Variants in POU6F2 observed in about 807,000 individuals in gnomAD.
The protein encoded by POU6F2 is POU domain, class 6, transcription factor 2.
Under a neutral mutation model 71.3 loss-of-function variants are expected in POU6F2, and 31 were observed. The ratio of observed to expected loss-of-function variants is 0.43; its 90% CI spans 0.33 to 0.59. The LOEUF (loss-of-function observed/expected upper bound fraction) is 0.59. Among genes scored for constraint, POU6F2 ranks in the 20% least tolerant of loss-of-function variants. POU6F2 has a pLI of 0.04. For missense variants in POU6F2, 783 were observed against 856.8 expected (o/e 0.91, Z 1.07); for synonymous variants, 347 against 355.7 (o/e 0.98, Z 0.27).
intron 2 of POU6F2, among the ~76,000 whole-genome samples, chr7:39,176,892 AG>A (rs1424427147): frequency 3.3e-5 from 5 of 152,200 alleles, no homozygotes; most frequent in African/African-American, 1.2e-4. Flanking sequence ...CCAAAATAAA[AG>A]TTAAGGGGCA....
chr7:39,369,585 A>G (rs1353768814), intron 5 of POU6F2, among the ~76,000 whole-genome samples: 1 of 151,886 alleles, frequency 6.6e-6, no homozygotes, highest in Non-Finnish European at 1.5e-5. Context: ...GCTGGTCTTG[A>G]ACTCCTGACC....
intron 2 of POU6F2, among the ~76,000 whole-genome samples, chr7:39,152,355 C>T (rs1241144520): frequency 6.6e-6 from 1 of 152,066 alleles, no homozygotes; most frequent in Non-Finnish European, 1.5e-5. Flanking sequence ...TGGAAAAAAC[C>T]TTTCTGTCCC....
chr7:39,291,785 G>A (rs1383019277), intron 4 of POU6F2, among the ~76,000 whole-genome samples: 1 of 152,158 alleles, frequency 6.6e-6, no homozygotes, highest in African/African-American at 2.4e-5. Flanking sequence ...TTTTTTTAAA[G>A]CTATCTGGTG....
intron 5 of POU6F2, among the ~76,000 whole-genome samples, chr7:39,357,487 G>T (rs1786285408): frequency 6.6e-6 from 1 of 152,238 alleles, no homozygotes; most frequent in African/African-American, 2.4e-5. Context: ...TGACCCCAAG[G>T]GATCCTCCCA....
rs561098562 is a variant in POU6F2 at position 39,453,758 on chromosome 7, G to A, written c.1489+2057G>A. ...AGCCAGTGGGACATATAAGTTCTAG[G>A]TTTATGATGAGTGAACCATATTACA... is the stretch of plus-strand genomic sequence containing the variant. On this transcript the variant is annotated intron_variant, in intron 8 of 9. Coordinates refer to ENST00000518318, the MANE Select transcript of POU6F2 (RefSeq NM_001370959.1). Among the ~76,000 whole-genome samples, 26 of 152,312 alleles carry A rather than the reference G, an allele frequency of 1.7e-4. 1 individual carries two copies. The highest frequency in any genetic ancestry group is 5.3e-4 in the African/African-American group (22 of 41,568).
chr7:39,018,504 T>C (rs578009233), intron 1 of POU6F2, among the ~76,000 whole-genome samples: 9 of 152,188 alleles, frequency 5.9e-5, no homozygotes, highest in African/African-American at 1.7e-4. Flanking sequence ...CTTAATAGTC[T>C]AGAATGTGCT....
chr7:39,273,973 C>CT (rs1784387563), intron 4 of POU6F2, among the ~76,000 whole-genome samples: 1 of 152,074 alleles, frequency 6.6e-6, no homozygotes, highest in Admixed American at 6.6e-5. Context: ...AACTGCATGA[C>CT]TATGGCAACT....
At chr7:39,292,665 C>G (rs1314877955) in intron 4 of POU6F2, among the ~76,000 whole-genome samples, 2 of 152,066 alleles carry the variant, frequency 1.3e-5, no homozygotes, top group Non-Finnish European at 2.9e-5. Flanking sequence ...TGGAGCTTGC[C>G]CTGTACATAA....
intron 1 of POU6F2, among the ~76,000 whole-genome samples, chr7:39,084,890 C>T (rs1157228601): frequency 6.6e-6 from 1 of 152,042 alleles, no homozygotes; most frequent in African/African-American, 2.4e-5. Context: ...CTCTCCTTTC[C>T]TTCTGCATCC....
intron 4 of POU6F2, among the ~76,000 whole-genome samples, chr7:39,252,383 T>TACAGACAG (rs200896239): frequency 5.7e-5 from 8 of 140,272 alleles, no homozygotes; most frequent in African/African-American, 1.9e-4. Context: ...CACACACACA[T>TACAGACAG]ACAGACAGAC....
At chr7:39,129,302 A>G (rs1265386922) in intron 2 of POU6F2, among the ~76,000 whole-genome samples, 1 of 152,170 alleles carries the variant, frequency 6.6e-6, no homozygotes, top group Non-Finnish European at 1.5e-5. Flanking sequence ...CTTGTTCACT[A>G]TTGCATTCTT....
intron 5 of POU6F2, among the ~76,000 whole-genome samples, chr7:39,355,523 G>A (rs1210537395): frequency 2.6e-5 from 4 of 152,128 alleles, no homozygotes; most frequent in Non-Finnish European, 5.9e-5. Context: ...AGCTTTTCAG[G>A]TAGACAGAGA....
chr7:39,295,403 G>A (rs1430016978), intron 4 of POU6F2, among the ~76,000 whole-genome samples: 1 of 152,168 alleles, frequency 6.6e-6, no homozygotes, highest in South Asian at 2.1e-4. Context: ...ATCACTTGAG[G>A]TCAGGAGTTT....
intron 1 of POU6F2, among the ~76,000 whole-genome samples, chr7:39,024,545 GA>G (rs1380792021): frequency 6.6e-6 from 1 of 151,988 alleles, no homozygotes; most frequent in East Asian, 1.9e-4. Context: ...ACTCTATGTC[GA>G]ATAGGAGTGG....
intron 2 of POU6F2, among the ~76,000 whole-genome samples, chr7:39,111,971 A>C (rs1363931965): frequency 6.6e-6 from 1 of 152,204 alleles, no homozygotes; most frequent in Admixed American, 6.5e-5. Context: ...GAAGAATTAT[A>C]AAATAGCTAA....
intron 1 of POU6F2, among the ~76,000 whole-genome samples, chr7:38,985,745 C>T (rs1217480462): frequency 6.6e-6 from 1 of 152,034 alleles, no homozygotes; most frequent in African/African-American, 2.4e-5. Flanking sequence ...ATTTCTTGAA[C>T]AAAGTGAGTC....
intron 2 of POU6F2, among the ~76,000 whole-genome samples, chr7:39,089,091 G>T (rs1010049092): frequency 1.3e-5 from 2 of 152,192 alleles, no homozygotes; most frequent in African/African-American, 4.8e-5. Context: ...AGCCTAAGTA[G>T]AAAGTTCAGA....
chr7:39,007,065 T>C (rs1789094916), intron 1 of POU6F2, among the ~76,000 whole-genome samples: 1 of 152,250 alleles, frequency 6.6e-6, no homozygotes, highest in African/African-American at 2.4e-5. Flanking sequence ...CCTTAATTCA[T>C]AAGCTGTATC....
chr7:39,235,484 G>A (rs1049152681), intron 4 of POU6F2, among the ~76,000 whole-genome samples: 4 of 152,072 alleles, frequency 2.6e-5, no homozygotes, highest in East Asian at 1.9e-4. Context: ...TCACCACCGG[G>A]CCACCCTGCC....
Sources: allele counts gnomAD v4.1 joint callset (sites outside exome capture counted in the v4.1 genomes callset), GRCh38; gene constraint gnomAD v4.1.1; transcripts MANE v1.5; gene names NCBI Gene and HGNC (gene_info 2026-07-23, HGNC 2026-07-21).